MDM2: variants seen among roughly 807,000 people sequenced by gnomAD.
MDM2 encodes the protein E3 ubiquitin-protein ligase Mdm2.
A neutral mutation model predicts 64.3 loss-of-function variants in MDM2; 11 were observed. The ratio of observed to expected loss-of-function variants is 0.17; its 90% CI spans 0.11 to 0.28. The LOEUF (loss-of-function observed/expected upper bound fraction) is 0.28, where lower values mean the gene tolerates loss of function less well. Among genes scored for constraint, MDM2 ranks in the 10% least tolerant of loss-of-function variants. The pLI, the probability that MDM2 is intolerant of heterozygous loss-of-function variation, is 1.00. For missense variants in MDM2, 388 were observed against 577.1 expected (o/e 0.67, Z 3.36); for synonymous variants, 194 against 192.9 (o/e 1.01, Z -0.05).
In MDM2 at chr12:68,840,106, G is replaced by T. The variant is rs375887953; in HGVS notation, c.*257G>T. ...CTCTGTCTTAAATGAGAAGTACTTG[G>T]TTTTTTTTTTTCTTAAATATGTATA... On this transcript the variant is annotated 3_prime_UTR_variant, in exon 11 of 11. Transcript: ENST00000258149. 6.8e-4 allele frequency: 229 copies of T among 335,894 alleles called. No individual in the cohort carries two copies. The highest frequency in any genetic ancestry group is 3.9e-3 in the East Asian group (75 of 19,242). The allele number at this position is 335,894 out of a possible 1,614,324, so 20.8% of individuals were successfully genotyped here.
At chr12:68,808,914 T>C (rs1278640401) in intron 1 of MDM2, 1 of 1,364,922 alleles carries the variant, frequency 7.3e-7, no homozygotes, top group Admixed American at 3.4e-5. Flanking sequence ...CAGCTTTTCC[T>C]CTTGAGCTGG....
chr12:68,812,355 T>A (rs1234404072), intron 2 of MDM2, among the ~76,000 whole-genome samples: 1 of 152,226 alleles, frequency 6.6e-6, no homozygotes, highest in East Asian at 1.9e-4. Flanking sequence ...GCTGTCAGAT[T>A]TTAAAGTTAG....
intron 8 of MDM2, among the ~76,000 whole-genome samples, chr12:68,829,752 C>T (rs982311988): frequency 4.5e-4 from 61 of 134,752 alleles, no homozygotes; most frequent in African/African-American, 1.7e-3. Context: ...GGTGACAGAG[C>T]GAGACTCCAT....
intron 8 of MDM2, among the ~76,000 whole-genome samples, chr12:68,829,461 T>C (rs1459967830): frequency 6.6e-6 from 1 of 152,164 alleles, no homozygotes; most frequent in Non-Finnish European, 1.5e-5. Context: ...TATTTACTTA[T>C]GCTGTAAAAT....
chr12:68,843,561 T>C lies in MDM2; in HGVS notation c.*3712T>C, dbSNP rs1883993590. On this transcript the variant is annotated 3_prime_UTR_variant, in exon 11 of 11. Transcript: ENST00000258149. ...AGCAAAACAGTGAAAATAACCATCT[T>C]GATTTAGTGTTTTTCTCCCATATGT... 4.4e-6 allele frequency: 1 copy of C among 226,964 alleles called. No individual in the cohort carries two copies. Among genetic ancestry groups the C allele is most frequent in the Admixed American group, 5.7e-5 (1 of 17,558 alleles). The allele number at this position is 226,964 out of a possible 1,614,324, so 14.1% of individuals were successfully genotyped here. A position where few individuals can be genotyped will look rare whatever the true frequency, so the allele number is the denominator to read the frequency against.
At position 68,833,318 on chromosome 12, in the gene MDM2, A is replaced by ATTTATATAAATATAAAAATATAT. The variant is rs1883039004; in HGVS notation, c.685-2509_685-2508insTATATAAATATAAAAATATATTT. On this transcript the variant is annotated intron_variant, in intron 8 of 10. Coordinates refer to ENST00000258149, the MANE Select transcript of MDM2 (RefSeq NM_002392.6). Reference sequence around the variant, plus strand: ...ATATTTATATAAATATAAAAATATAATTATATAAATATAAAAATATATATT... The same window carrying ATTTATATAAATATAAAAATATAT: ...ATATTTATATAAATATAAAAATATAATTTATATAAATATAAAAATATATTTATATAAATATAAAAATATATATT... 2.5e-4 allele frequency among the ~76,000 whole-genome samples: 24 copies of ATTTATATAAATATAAAAATATAT among 96,020 alleles called. 3 individuals are homozygous for ATTTATATAAATATAAAAATATAT. Among genetic ancestry groups the ATTTATATAAATATAAAAATATAT allele is most frequent in the African/African-American group, 8.8e-4 (23 of 26,260 alleles). 63.0% of individuals were successfully genotyped at this position (96,020 alleles called of 152,430 possible).
At chr12:68,817,366 C>G (rs936418500) in intron 4 of MDM2, among the ~76,000 whole-genome samples, 2 of 152,160 alleles carry the variant, frequency 1.3e-5, no homozygotes, top group African/African-American at 4.8e-5. Context: ...GTGGTAAAGG[C>G]TTACATTTGA....
chr12:68,819,570 C>A (rs1381389484), intron 4 of MDM2, among the ~76,000 whole-genome samples: 1 of 152,228 alleles, frequency 6.6e-6, no homozygotes, highest in Non-Finnish European at 1.5e-5. Flanking sequence ...TGGCTCACCG[C>A]AACCTCTGCC....
chr12:68,843,599 C>T lies in MDM2; in HGVS notation c.*3750C>T, dbSNP rs1178263807. On this transcript the variant is annotated 3_prime_UTR_variant, in exon 11 of 11. Transcript: ENST00000258149. Reference sequence around the variant, plus strand: ...TTCTCCCATATGTGAATTGTATATACTTAGGTGAAGACAATAAAATCAACT... The same window carrying T: ...TTCTCCCATATGTGAATTGTATATATTTAGGTGAAGACAATAAAATCAACT... 8.8e-6 allele frequency: 2 copies of T among 226,786 alleles called. No homozygotes were observed. The highest frequency in any genetic ancestry group is 1.7e-5 in the Non-Finnish European group (2 of 114,328). The allele number at this position is 226,786 out of a possible 1,614,324, so 14.0% of individuals were successfully genotyped here.
intron 8 of MDM2, among the ~76,000 whole-genome samples, chr12:68,835,113 C>G (rs944229609): frequency 6.6e-6 from 1 of 152,014 alleles, no homozygotes; most frequent in African/African-American, 2.4e-5. Context: ...TGTATTCTAC[C>G]AATTTGGACA....
At chr12:68,836,023 A>T in intron 9 of MDM2, 39 bp downstream of exon 9, 2 of 1,485,084 alleles carry the variant, frequency 1.3e-6, no homozygotes, top group Non-Finnish European at 1.8e-6. Context: ...TTGGAAAATT[A>T]TTAAATATTT....
chr12:68,828,962 T>C (rs769801108), intron 8 of MDM2, 31 bp downstream of exon 8: 5 of 1,605,324 alleles, frequency 3.1e-6, no homozygotes, highest in Non-Finnish European at 4.3e-6. Context: ...AAGGCAAGAC[T>C]CTTACTGTTC....
rs1271246956 is a variant in MDM2, at chr12:68,841,106, A to C, written c.*1257A>C. Reference sequence around the variant, plus strand: ...AGTGATCTACTCACCTCAGCCTCCCAAAATGCTGGGATTACAGATGTGAGG... The same window carrying C: ...AGTGATCTACTCACCTCAGCCTCCCCAAATGCTGGGATTACAGATGTGAGG... On this transcript the variant is annotated 3_prime_UTR_variant, in exon 11 of 11. Coordinates refer to ENST00000258149, the MANE Select transcript of MDM2 (RefSeq NM_002392.6). The C allele has an allele frequency of 1.1e-5, 2 of 188,908 alleles. No homozygotes were observed. The highest frequency in any genetic ancestry group is 4.7e-5 in the African/African-American group (2 of 42,678). The allele number at this position is 188,908 out of a possible 1,614,324, so 11.7% of individuals were successfully genotyped here.
At chr12:68,813,121 A>C (rs897591885) in intron 2 of MDM2, among the ~76,000 whole-genome samples, 1 of 152,042 alleles carries the variant, frequency 6.6e-6, no homozygotes, top group Non-Finnish European at 1.5e-5. Context: ...GTTCTTAATT[A>C]CCCTTGTCAG....
At chr12:68,829,965 A>G (rs1478952677) in intron 8 of MDM2, among the ~76,000 whole-genome samples, 1 of 152,244 alleles carries the variant, frequency 6.6e-6, no homozygotes, top group Admixed American at 6.5e-5. Flanking sequence ...TATGTCTTTA[A>G]TCAAGCTTGT....
In MDM2 at chr12:68,839,656, C is replaced by G. The variant is rs1269114698; in HGVS notation, c.1301C>G (p.Ser434Cys). ...ETQDKEESVE[S>C]SLPLNAIEPC... is the part of the protein sequence containing the mutation. ...CAAGACAAAGAAGAGAGTGTGGAAT[C>G]TAGTTTGCCCCTTAATGCCATTGAA... Residue 434 changes from serine to cysteine, a missense_variant, in exon 11 of 11, where the codon TCT becomes TGT. Physicochemically the swap from Ser to Cys is moderately radical, Grantham distance 112. This residue lies in a region of MDM2 where 138 missense variants were observed against 143.7 expected (regional missense o/e 0.96). Coordinates refer to ENST00000258149, the MANE Select transcript of MDM2 (RefSeq NM_002392.6). 1 of 1,613,696 alleles carries G rather than the reference C, an allele frequency of 6.2e-7. No homozygotes were observed. The highest frequency in any genetic ancestry group is 8.5e-7 in the Non-Finnish European group (1 of 1,179,978).
At chr12:68,824,890 ACT>A (rs952179456) in intron 7 of MDM2, 122 of 444,070 alleles carry the variant, frequency 2.7e-4, no homozygotes, top group Middle Eastern at 1.9e-3. Flanking sequence ...TAGTTAGCCA[ACT>A]CTCTGTTAAG....
rs1387050256 is a variant in MDM2 at position 68,842,225 on chromosome 12, T to C, written c.*2376T>C. 1 of 498,902 alleles carries C rather than the reference T, an allele frequency of 2.0e-6. No individual in the cohort carries two copies. 30.9% of individuals were successfully genotyped at this position (498,902 alleles called of 1,614,324 possible). ...AAAAGATCAAACAAATGCCAAGCTA[T>C]ATTTATAATGAACAAATTCAAGAAA... On this transcript the variant is annotated 3_prime_UTR_variant, in exon 11 of 11. Transcript: ENST00000258149.
Position 68,820,369 on chromosome 12 carries a change from A to G in MDM2, c.353A>G (p.Gln118Arg). The change falls in exon 5 of 11, where the codon CAG (glutamine) becomes CGG (arginine). Residue 118 changes from glutamine (Q) to arginine (R), a missense_variant. This residue lies in a region of MDM2 where 168 missense variants were observed against 236.6 expected (regional missense o/e 0.71). Coordinates refer to ENST00000258149, the MANE Select transcript of MDM2 (RefSeq NM_002392.6). ...TACAGGAACTTGGTAGTAGTCAATC[A>G]GCAGGGTAAGTTAATTTTGAGCATC... ...MIYRNLVVVN[Q>R]QESSDSGTSV... 6.2e-7 allele frequency: 1 copy of G among 1,605,226 alleles called. No homozygotes were observed. Among genetic ancestry groups the G allele is most frequent in the Non-Finnish European group, 8.5e-7 (1 of 1,176,054 alleles).
Sources: allele counts gnomAD v4.1 joint callset (sites outside exome capture counted in the v4.1 genomes callset), GRCh38; gene constraint gnomAD v4.1.1; regional missense constraint gnomAD v4.1.1; transcripts MANE v1.5; gene names NCBI Gene and HGNC (gene_info 2026-07-23, HGNC 2026-07-21).